TAS2R1: variants seen among roughly 807,000 people sequenced by gnomAD.
The protein encoded by TAS2R1 is taste receptor type 2 member 1.
For missense variants in TAS2R1, 370 were observed against 353.4 expected, an observed-to-expected ratio of 1.05 and a Z score of -0.38; for synonymous variants, 141 against 134.2, an observed-to-expected ratio of 1.05 and a Z score of -0.35.
intron 1 of TAS2R1, among the ~76,000 whole-genome samples, chr5:9,701,968 G>A (rs1319505408): frequency 6.6e-6 from 1 of 152,120 alleles, no homozygotes; most frequent in Non-Finnish European, 1.5e-5. Context: ...TGCCCAAAAG[G>A]TCATTTTATG....
chr5:9,764,487 C>T, the TAS2R1 span, among the ~76,000 whole-genome samples: 3 of 152,176 alleles, frequency 2.0e-5, no homozygotes, highest in Non-Finnish European at 4.4e-5. Context: ...CTGAAATTCA[C>T]ATTTTCAGCA....
At chr5:9,765,466 C>T in the TAS2R1 span, 2 of 150,828 alleles carry the variant, frequency 1.3e-5, no homozygotes, top group South Asian at 4.2e-4. Flanking sequence ...AATCTGTATA[C>T]ATACATTGGA....
the TAS2R1 span, among the ~76,000 whole-genome samples, chr5:9,862,169 T>C: frequency 6.6e-6 from 1 of 150,952 alleles, no homozygotes; most frequent in South Asian, 2.1e-4. Flanking sequence ...TCAAGTCCAT[T>C]TTACTTGCTA....
At chr5:9,890,225 T>C in the TAS2R1 span, among the ~76,000 whole-genome samples, 3 of 152,312 alleles carry the variant, frequency 2.0e-5, no homozygotes, top group East Asian at 3.9e-4. Flanking sequence ...AGAACCTTTG[T>C]GTTCTCTCAA....
At chr5:9,839,630 G>A in the TAS2R1 span, among the ~76,000 whole-genome samples, 1 of 152,192 alleles carries the variant, frequency 6.6e-6, no homozygotes, top group African/African-American at 2.4e-5. Flanking sequence ...CTCTATCACA[G>A]CTGTCAATAA....
the TAS2R1 span, among the ~76,000 whole-genome samples, chr5:9,858,274 C>T: frequency 2.0e-5 from 3 of 152,076 alleles, no homozygotes; most frequent in Admixed American, 6.5e-5. Context: ...CCAGAGGGAC[C>T]GGCCTGGAGT....
chr5:9,790,876 G>A, the TAS2R1 span, among the ~76,000 whole-genome samples: 1 of 152,140 alleles, frequency 6.6e-6, no homozygotes, highest in Non-Finnish European at 1.5e-5. Context: ...TTGATCTCAA[G>A]TGATCCACCC....
the TAS2R1 span, among the ~76,000 whole-genome samples, chr5:9,901,823 C>T: frequency 8.5e-5 from 13 of 152,222 alleles, 1 homozygote; most frequent in African/African-American, 3.1e-4. Context: ...AAAATAGCTT[C>T]GGCAAATGCC....
the TAS2R1 span, among the ~76,000 whole-genome samples, chr5:9,816,119 A>T: frequency 6.6e-6 from 1 of 152,206 alleles, no homozygotes; most frequent in Non-Finnish European, 1.5e-5. Context: ...TAAAAATCAT[A>T]AAATAAAATC....
At chr5:9,676,570 T>C (rs1214617460) in intron 1 of TAS2R1, among the ~76,000 whole-genome samples, 1 of 152,098 alleles carries the variant, frequency 6.6e-6, no homozygotes, top group Non-Finnish European at 1.5e-5. Context: ...CACAAAAATA[T>C]AGACATAGAC....
At chr5:9,663,854 A>C (rs1248701421) in intron 1 of TAS2R1, among the ~76,000 whole-genome samples, 1 of 152,178 alleles carries the variant, frequency 6.6e-6, no homozygotes, top group African/African-American at 2.4e-5. Flanking sequence ...GACACAGAGA[A>C]GAGGGGAAGG....
At position 9,646,772 on chromosome 5, in the gene TAS2R1, C is replaced by G. The variant is rs140069421; in HGVS notation, c.-81+12649G>C. 1.3e-3 allele frequency among the ~76,000 whole-genome samples: 204 copies of G among 152,142 alleles called. 2 individuals are homozygous for G. The highest frequency in any genetic ancestry group is 4.6e-3 in the African/African-American group (191 of 41,508). On this transcript the variant is annotated intron_variant, in intron 2 of 2. Coordinates refer to the TAS2R1 transcript ENST00000506620. ...TTGATTTTCCAGAATGTGGGACCAG[C>G]CTTTGTGGTTACTTAGTTCATGTGT...
chr5:9,667,974 T>C lies in TAS2R1; in HGVS notation c.-241-8393A>G, dbSNP rs371049419. ...AGAATATGGATAAGAACAAAGATCA[T>C]TGACATCCCGGAGAAAGTTAAAACC... On this transcript the variant is annotated intron_variant, in intron 1 of 2. Transcript: ENST00000506620. Among the ~76,000 whole-genome samples the C allele has an allele frequency of 1.8e-4, 27 of 152,244 alleles. No homozygotes were observed. The South Asian group carries it at 1.9e-3, about 11-fold the overall frequency.
At chr5:9,653,858 C>G (rs937220230) in intron 2 of TAS2R1, among the ~76,000 whole-genome samples, 2 of 152,152 alleles carry the variant, frequency 1.3e-5, no homozygotes, top group Admixed American at 6.5e-5. Flanking sequence ...GGAGCCACAA[C>G]CACTCTCTCC....
At chr5:9,901,065 C>A in the TAS2R1 span, among the ~76,000 whole-genome samples, 16 of 152,220 alleles carry the variant, frequency 1.1e-4, no homozygotes, top group African/African-American at 3.9e-4. Flanking sequence ...TTCACTCACT[C>A]AGTAAATAGG....
the TAS2R1 span, among the ~76,000 whole-genome samples, chr5:9,787,251 T>A: frequency 6.6e-6 from 1 of 152,176 alleles, no homozygotes; most frequent in African/African-American, 2.4e-5. Flanking sequence ...AAATTTATCA[T>A]CTTGACAGGC....
At chr5:9,661,571 G>A (rs1254519835) in intron 1 of TAS2R1, among the ~76,000 whole-genome samples, 1 of 152,154 alleles carries the variant, frequency 6.6e-6, no homozygotes, top group Non-Finnish European at 1.5e-5. Flanking sequence ...TTGTCTACAG[G>A]AAGAATTCAC....
At chr5:9,795,335 C>T in the TAS2R1 span, among the ~76,000 whole-genome samples, 1 of 152,096 alleles carries the variant, frequency 6.6e-6, no homozygotes, top group Non-Finnish European at 1.5e-5. Context: ...ACTTTTTCCC[C>T]TTGGGGCTAG....
chr5:9,743,230 C>G, the TAS2R1 span, among the ~76,000 whole-genome samples: 1 of 152,140 alleles, frequency 6.6e-6, no homozygotes, highest in South Asian at 2.1e-4. Context: ...TTCTCTTCTG[C>G]CTCCCAGGCT....
Sources: allele counts gnomAD v4.1 joint callset (sites outside exome capture counted in the v4.1 genomes callset), GRCh38; gene constraint gnomAD v4.1.1; transcripts MANE v1.5; gene names NCBI Gene and HGNC (gene_info 2026-07-23, HGNC 2026-07-21).